FER: variants seen among roughly 807,000 people sequenced by gnomAD.
The protein encoded by FER is tyrosine-protein kinase Fer.
In FER, 63 loss-of-function variants were observed where a neutral mutation model predicts 111.0. The ratio of observed to expected loss-of-function variants is 0.57; its 90% CI spans 0.46 to 0.70. The LOEUF is 0.70. Ranked by LOEUF, FER falls within the 30% of genes least tolerant of loss-of-function variation. FER has a pLI of 0.00. For synonymous variants in FER, 327 were observed against 313.9 expected (o/e 1.04, Z -0.44); for missense variants, 914 against 954.0 (o/e 0.96, Z 0.55).
chr5:109,014,431 A>G (rs1301330650), intron 13 of FER, among the ~76,000 whole-genome samples: 1 of 152,084 alleles, frequency 6.6e-6, no homozygotes, highest in Admixed American at 6.5e-5. Flanking sequence ...GTTCTGTTCC[A>G]TTGATCTATA....
chr5:109,036,270 T>A (rs898048284), intron 13 of FER, among the ~76,000 whole-genome samples: 2 of 152,132 alleles, frequency 1.3e-5, no homozygotes, highest in African/African-American at 4.8e-5. Context: ...CCAGGATCTT[T>A]ATAGCATTAA....
intron 5 of FER, among the ~76,000 whole-genome samples, chr5:108,841,193 G>C (rs921617330): frequency 6.6e-6 from 1 of 152,192 alleles, no homozygotes; most frequent in Non-Finnish European, 1.5e-5. Flanking sequence ...AGCAAAGAAA[G>C]CCTCTTGCTC....
chr5:108,934,521 G>A (rs987335768), intron 10 of FER, among the ~76,000 whole-genome samples: 1 of 152,088 alleles, frequency 6.6e-6, no homozygotes, highest in South Asian at 2.1e-4. Flanking sequence ...TGTCTTGGGA[G>A]TTCGTTGCTT....
chr5:109,134,002 TTC>T (rs1752632979), intron 17 of FER, among the ~76,000 whole-genome samples: 1 of 152,026 alleles, frequency 6.6e-6, no homozygotes. Context: ...GGAATAATTT[TTC>T]TCTCTTCCTA....
intron 13 of FER, among the ~76,000 whole-genome samples, chr5:109,000,653 C>T (rs1257812107): frequency 6.6e-6 from 1 of 151,974 alleles, no homozygotes; most frequent in Non-Finnish European, 1.5e-5. Flanking sequence ...TAACTAAGAT[C>T]AGAGCAGAAC....
intron 10 of FER, among the ~76,000 whole-genome samples, chr5:108,931,752 C>T (rs545201601): frequency 3.2e-4 from 48 of 152,106 alleles, no homozygotes; most frequent in Admixed American, 6.6e-4. Flanking sequence ...AACGCTTGAA[C>T]CTGGGAGGTG....
chr5:108,787,205 A>G (rs1561417879), intron 2 of FER, among the ~76,000 whole-genome samples: 1 of 152,322 alleles, frequency 6.6e-6, no homozygotes, highest in East Asian at 1.9e-4. Flanking sequence ...AGCTGTGGCC[A>G]AGTCCAGGCA....
At chr5:108,956,351 A>G (rs962992154) in intron 12 of FER, among the ~76,000 whole-genome samples, 1 of 151,662 alleles carries the variant, frequency 6.6e-6, no homozygotes, top group South Asian at 2.1e-4. Context: ...TGAATGTTTC[A>G]TTTTATTTTC....
chr5:109,180,900 T>TG lies in FER; in HGVS notation c.2203+1dup. ...GGACAGCACCGGAAGCTCTTAATTATGGTAAGAATAGACCACATTTTTTTT... is the reference window on the plus strand; with the variant it reads ...GGACAGCACCGGAAGCTCTTAATTATGGGTAAGAATAGACCACATTTTTTTT... On this transcript the variant is annotated frameshift_variant and splice_region_variant, in exon 18 of 20. Transcript: ENST00000281092. LOFTEE classifies it high-confidence loss of function. The TG allele has an allele frequency of 6.3e-7, 1 of 1,596,608 alleles. No homozygotes were observed. The highest frequency in any genetic ancestry group is 8.5e-7 in the Non-Finnish European group (1 of 1,175,026).
intron 13 of FER, 106 bp from the exon 14 acceptor site, chr5:109,037,316 G>C (rs1770538431): frequency 1.2e-6 from 1 of 834,614 alleles, no homozygotes; most frequent in African/African-American, 1.7e-5. Context: ...TGATTGAATG[G>C]TCTGAATGAA....
At chr5:109,115,605 TGTAA>T (rs558191033) in intron 17 of FER, among the ~76,000 whole-genome samples, 43 of 152,306 alleles carry the variant, frequency 2.8e-4, no homozygotes, top group East Asian at 7.7e-4. Context: ...TAGACATCTC[TGTAA>T]GTAAGTTTCC....
intron 17 of FER, among the ~76,000 whole-genome samples, chr5:109,123,825 A>G (rs1751323074): frequency 6.6e-6 from 1 of 152,210 alleles, no homozygotes; most frequent in Non-Finnish European, 1.5e-5. Flanking sequence ...TTTTGTCTGG[A>G]GAACATTTTA....
In FER at chr5:109,188,702, G is replaced by C. The variant is rs942535691; in HGVS notation, c.*1127G>C. On this transcript the variant is annotated 3_prime_UTR_variant, in exon 20 of 20. Transcript: ENST00000281092. ...ATTTACCAGAAAGGTCCTAAGAAAAGTTTCAGGAGTTCGTAGAGTCCTCGT... is the reference window on the plus strand; with the variant it reads ...ATTTACCAGAAAGGTCCTAAGAAAACTTTCAGGAGTTCGTAGAGTCCTCGT... 2 of 152,140 alleles carry C rather than the reference G, an allele frequency of 1.3e-5. No individual in the cohort carries two copies. The highest frequency in any genetic ancestry group is 4.8e-5 in the African/African-American group (2 of 41,434). The allele number at this position is 152,140 out of a possible 1,614,324, so 9.4% of individuals were successfully genotyped here.
At chr5:109,156,509 A>G (rs972664699) in intron 17 of FER, among the ~76,000 whole-genome samples, 1 of 152,008 alleles carries the variant, frequency 6.6e-6, no homozygotes, top group Non-Finnish European at 1.5e-5. Context: ...AATTTAGGGC[A>G]GAGATCTAGG....
At chr5:108,762,175 AT>A (rs1428198058) in intron 1 of FER, among the ~76,000 whole-genome samples, 3 of 152,070 alleles carry the variant, frequency 2.0e-5, no homozygotes, top group Non-Finnish European at 2.9e-5. Flanking sequence ...TTGTGGTATA[AT>A]TTTTTATGTT....
rs1461905108 is a variant in FER at position 109,191,511 on chromosome 5, C to T, written c.*3936C>T. On this transcript the variant is annotated 3_prime_UTR_variant, in exon 20 of 20. Coordinates refer to ENST00000281092, the MANE Select transcript of FER (RefSeq NM_005246.4). ...TTTGCATTTAGGAAGCCACACCCTC[C>T]CACAAAACAGAACAGTGCAAAATAA... The T allele has an allele frequency of 6.6e-6, 1 of 152,184 alleles. No homozygotes were observed. The highest frequency in any genetic ancestry group is 2.4e-5 in the African/African-American group (1 of 41,552). The allele number at this position is 152,184 out of a possible 1,614,324, so 9.4% of individuals were successfully genotyped here. A position where few individuals can be genotyped will look rare whatever the true frequency, so the allele number is the denominator to read the frequency against.
chr5:108,990,399 C>T (rs1763027345), intron 13 of FER, among the ~76,000 whole-genome samples: 1 of 151,648 alleles, frequency 6.6e-6, no homozygotes, highest in Admixed American at 6.6e-5. Context: ...TTATGTATAT[C>T]AATATTTCAG....
intron 3 of FER, among the ~76,000 whole-genome samples, chr5:108,814,510 G>T (rs1758081602): frequency 6.6e-6 from 1 of 152,082 alleles, no homozygotes; most frequent in South Asian, 2.1e-4. Context: ...CTGTTACAAG[G>T]GTTTGTGATA....
chr5:108,850,671 A>G (rs72791992), intron 5 of FER, among the ~76,000 whole-genome samples: 1,794 of 152,272 alleles, frequency 0.012, 15 homozygotes, highest in Non-Finnish European at 0.018. Context: ...GGATTTCTGA[A>G]GAAATGCTGC....
Sources: allele counts gnomAD v4.1 joint callset (sites outside exome capture counted in the v4.1 genomes callset), GRCh38; gene constraint gnomAD v4.1.1; transcripts MANE v1.5; gene names NCBI Gene and HGNC (gene_info 2026-07-23, HGNC 2026-07-21).